The following ITGA9 variants were observed in gnomAD, a reference collection of about 807,000 sequenced individuals.
ITGA9 encodes the protein integrin subunit alpha 9, also known as integrin alpha-9.
ITGA9 carries 56 observed loss-of-function variants against 127.8 expected under a neutral mutation model. The observed-to-expected ratio is 0.44, with a 90% CI of 0.35 to 0.55. ITGA9 has a LOEUF of 0.55. Among genes scored for constraint, ITGA9 ranks in the 20% least tolerant of loss-of-function variants. The pLI is 0.00. For synonymous variants in ITGA9, 508 were observed against 514.5 expected, an observed-to-expected ratio of 0.99 and a Z score of 0.17; for missense variants, 1,196 against 1,347.1, an observed-to-expected ratio of 0.89 and a Z score of 1.76.
intron 15 of ITGA9, among the ~76,000 whole-genome samples, chr3:37,563,550 C>T (rs1203159801): frequency 6.6e-6 from 1 of 152,266 alleles, no homozygotes; most frequent in Non-Finnish European, 1.5e-5. Flanking sequence ...TTTTCCTACT[C>T]ATCCCCAGTT....
At chr3:37,670,949 T>G (rs1370399049) in intron 17 of ITGA9, among the ~76,000 whole-genome samples, 2 of 152,260 alleles carry the variant, frequency 1.3e-5, no homozygotes, top group South Asian at 4.1e-4. Flanking sequence ...TTGAGCTGTC[T>G]GCCCCGCTAG....
intron 4 of ITGA9, among the ~76,000 whole-genome samples, chr3:37,482,992 G>A (rs1698571880): frequency 6.6e-6 from 1 of 152,148 alleles, no homozygotes; most frequent in Non-Finnish European, 1.5e-5. Flanking sequence ...GTCAAGCCTG[G>A]GTTTCCACTG....
At chr3:37,596,463 A>G (rs972388514) in intron 15 of ITGA9, among the ~76,000 whole-genome samples, 1 of 152,092 alleles carries the variant, frequency 6.6e-6, no homozygotes, top group Non-Finnish European at 1.5e-5. Context: ...CAGCCCAGAG[A>G]AAGGAGGAGA....
intron 15 of ITGA9, among the ~76,000 whole-genome samples, chr3:37,616,284 T>C (rs1700073701): frequency 6.6e-6 from 1 of 152,186 alleles, no homozygotes; most frequent in South Asian, 2.1e-4. Context: ...TTTGAGTGAA[T>C]TTCTTAATCC....
At chr3:37,703,062 C>T (rs1452175804) in intron 18 of ITGA9, among the ~76,000 whole-genome samples, 3 of 152,162 alleles carry the variant, frequency 2.0e-5, no homozygotes, top group African/African-American at 7.2e-5. Context: ...CATATTTGAA[C>T]ATATTTTACT....
intron 14 of ITGA9, among the ~76,000 whole-genome samples, chr3:37,536,598 A>G (rs1699210659): frequency 1.3e-5 from 2 of 152,236 alleles, no homozygotes; most frequent in Admixed American, 6.5e-5. Flanking sequence ...TGTACAGAGA[A>G]GGGACACCAA....
At chr3:37,486,931 C>G (rs1444275950) in intron 4 of ITGA9, among the ~76,000 whole-genome samples, 2 of 152,124 alleles carry the variant, frequency 1.3e-5, no homozygotes, top group Non-Finnish European at 2.9e-5. Context: ...TTTGCATTTC[C>G]TAGGACAGTG....
chr3:37,624,687 ACCTCCGCCTC>A (rs1700160410), intron 15 of ITGA9, among the ~76,000 whole-genome samples: 1 of 151,944 alleles, frequency 6.6e-6, no homozygotes, highest in African/African-American at 2.4e-5. Flanking sequence ...AGCTCACTGC[ACCTCCGCCTC>A]CTGGGTTCAA....
intron 18 of ITGA9, among the ~76,000 whole-genome samples, chr3:37,694,148 C>CGAG (rs1230372435): frequency 7.9e-5 from 12 of 152,210 alleles, no homozygotes; most frequent in African/African-American, 2.7e-4. Flanking sequence ...GAAGCCCACT[C>CGAG]GAGGCTCTAA....
At chr3:37,532,072 A>G (rs999113872) in intron 13 of ITGA9, among the ~76,000 whole-genome samples, 2 of 152,214 alleles carry the variant, frequency 1.3e-5, no homozygotes, top group African/African-American at 4.8e-5. Flanking sequence ...TATTTCTAGT[A>G]TCCTATAAGG....
chr3:37,629,684 A>G lies in ITGA9; in HGVS notation c.1839+348A>G, dbSNP rs149214860. 3.0e-3 allele frequency among the ~76,000 whole-genome samples: 463 copies of G among 152,230 alleles called. 4 individuals carry two copies. Among genetic ancestry groups the G allele is most frequent in the Middle Eastern group, 0.01 (3 of 292 alleles). Reference sequence around the variant, plus strand: ...TTGGTGGATAGTAGGTGCTTAATGAATGTTTTATTGGTGGGAGAATGAGTG... The same window carrying G: ...TTGGTGGATAGTAGGTGCTTAATGAGTGTTTTATTGGTGGGAGAATGAGTG... On this transcript the variant is annotated intron_variant, in intron 16 of 27. Transcript: ENST00000264741. The surrounding 1 kb of genome is among the most constrained non-coding windows in gnomAD (Gnocchi z 4.5).
intron 15 of ITGA9, among the ~76,000 whole-genome samples, chr3:37,581,790 C>A (rs1283336201): frequency 6.6e-6 from 1 of 152,144 alleles, no homozygotes; most frequent in Admixed American, 6.5e-5. Flanking sequence ...TTGGGATGGG[C>A]TTTGGAACTG....
In ITGA9 at chr3:37,506,110, G is replaced by A. The variant is rs1362643133; in HGVS notation, c.828+25G>A. On this transcript the variant is annotated intron_variant, in intron 7 of 27. Transcript: ENST00000264741. Reference sequence around the variant, plus strand: ...GGTGAGGAGAAACATCTGTGGAATAGCTGGGGTCAGACAGAAGAGGGGAGC... The same window carrying A: ...GGTGAGGAGAAACATCTGTGGAATAACTGGGGTCAGACAGAAGAGGGGAGC... 3 of 1,530,440 alleles carry A rather than the reference G, an allele frequency of 2.0e-6. No homozygotes were observed. The African/African-American group carries it at 4.1e-5, about 21-fold the overall frequency. The allele number at this position is 1,530,440 out of a possible 1,614,324, so 94.8% of individuals were successfully genotyped here.
At chr3:37,537,801 G>A (rs1030492419) in intron 14 of ITGA9, among the ~76,000 whole-genome samples, 10 of 152,212 alleles carry the variant, frequency 6.6e-5, no homozygotes, top group African/African-American at 1.4e-4. Context: ...TTCTCACTCC[G>A]ACTGTGGGCT....
At chr3:37,480,140 T>C (rs570679025) in intron 3 of ITGA9, among the ~76,000 whole-genome samples, 49 of 151,960 alleles carry the variant, frequency 3.2e-4, no homozygotes, top group African/African-American at 1.2e-3. Flanking sequence ...GCAGCTCGGC[T>C]CTTCATCAGC....
chr3:37,736,624 G>A (rs1247322142), intron 19 of ITGA9, among the ~76,000 whole-genome samples: 1 of 152,232 alleles, frequency 6.6e-6, no homozygotes, highest in East Asian at 1.9e-4. Flanking sequence ...TGGTATGTGA[G>A]TGAAACTTAG....
In ITGA9 at chr3:37,818,957, G is replaced by A. The variant is rs1697476917; in HGVS notation, c.3076G>A (p.Asp1026Asn). 1 of 1,614,098 alleles carries A rather than the reference G, an allele frequency of 6.2e-7. No individual in the cohort carries two copies. Among genetic ancestry groups the A allele is most frequent in the East Asian group, 2.2e-5 (1 of 44,886 alleles). The change falls in exon 28 of 28, where the codon GAC becomes AAC. Residue 1026 changes from aspartate to asparagine, a missense_variant. Coordinates refer to ENST00000264741, the MANE Select transcript of ITGA9 (RefSeq NM_002207.3). ...TGAGAAGAACCGGAAAGAGAATGAA[G>A]ACAGTTGGGACTGGGTCCAGAAAAA... The part of the protein sequence containing the change: ...EAEKNRKENE[D>N]SWDWVQKNQ
chr3:37,660,003 C>CACAT (rs1700518078), intron 17 of ITGA9, among the ~76,000 whole-genome samples: 2 of 149,302 alleles, frequency 1.3e-5, no homozygotes, highest in South Asian at 4.2e-4. Context: ...CACACACACA[C>CACAT]GCACACACAC....
intron 22 of ITGA9, among the ~76,000 whole-genome samples, chr3:37,746,544 T>A (rs6550506): frequency 0.067 from 10,199 of 152,290 alleles, 648 homozygotes; most frequent in African/African-American, 0.15. Context: ...ATACAAGCTC[T>A]CCTGTCCTCC....
Sources: gnomAD v4.1 joint callset for allele counts (sites outside exome capture counted in the v4.1 genomes callset) on GRCh38, gnomAD v4.1.1 for gene constraint, Gnocchi (gnomAD v3.1) non-coding constraint, MANE v1.5 for transcripts, NCBI Gene and HGNC (gene_info 2026-07-23, HGNC 2026-07-21) for gene names.